The following RSRC1 variants were observed in gnomAD, a reference collection of about 807,000 sequenced individuals.
RSRC1 encodes serine/Arginine-related protein 53.
In RSRC1, 39 loss-of-function variants were observed where a neutral mutation model predicts 49.1. That is an observed-to-expected ratio of 0.79 (90% CI 0.61 to 1.04). The LOEUF (loss-of-function observed/expected upper bound fraction) is 1.04, where lower values mean the gene tolerates loss of function less well. RSRC1 is among the 50% of genes least tolerant of loss of function. The probability of loss-of-function intolerance (pLI) is 0.00; values close to 1 mark genes in which losing one functional copy is unlikely to be tolerated. For missense variants in RSRC1, 388 were observed against 402.4 expected (o/e 0.96, Z 0.31); for synonymous variants, 143 against 130.8 (o/e 1.09, Z -0.63).
chr3:158,287,914 C>T (rs1343559657), intron 4 of RSRC1, among the ~76,000 whole-genome samples: 2 of 152,116 alleles, frequency 1.3e-5, no homozygotes, highest in African/African-American at 4.8e-5. Flanking sequence ...ACTTGTAGCC[C>T]ATATGGCAAC....
At chr3:158,138,068 A>G (rs923430863) in intron 3 of RSRC1, among the ~76,000 whole-genome samples, 6 of 152,180 alleles carry the variant, frequency 3.9e-5, no homozygotes, top group Non-Finnish European at 8.8e-5. Context: ...CCCAGATACA[A>G]TTAGGGACCA....
intron 4 of RSRC1, among the ~76,000 whole-genome samples, chr3:158,236,557 A>T (rs1723258572): frequency 6.6e-6 from 1 of 152,226 alleles, no homozygotes; most frequent in Non-Finnish European, 1.5e-5. Flanking sequence ...ATGGAATCAT[A>T]GAGTATATAT....
At chr3:158,285,655 T>C (rs1352722544) in intron 4 of RSRC1, among the ~76,000 whole-genome samples, 1 of 152,166 alleles carries the variant, frequency 6.6e-6, no homozygotes, top group Non-Finnish European at 1.5e-5. Flanking sequence ...TTTGAAGCAA[T>C]TGTGAATGGG....
At chr3:158,278,075 C>G (rs1352531215) in intron 4 of RSRC1, among the ~76,000 whole-genome samples, 6 of 152,114 alleles carry the variant, frequency 3.9e-5, no homozygotes, top group African/African-American at 1.4e-4. Context: ...CACAACTAGA[C>G]TTTACCACTG....
chr3:158,212,369 T>C (rs778995792), intron 4 of RSRC1, among the ~76,000 whole-genome samples: 7 of 150,664 alleles, frequency 4.6e-5, no homozygotes, highest in African/African-American at 7.4e-5. Context: ...CCAGACTGCA[T>C]TAAAAAAAAA....
chr3:158,482,412 T>C (rs1738645788), intron 7 of RSRC1, among the ~76,000 whole-genome samples: 1 of 152,090 alleles, frequency 6.6e-6, no homozygotes, highest in South Asian at 2.1e-4. Context: ...TAGTTTTCAC[T>C]TTAATTATTA....
intron 4 of RSRC1, among the ~76,000 whole-genome samples, chr3:158,255,542 A>G (rs879606517): frequency 6.6e-6 from 1 of 152,232 alleles, no homozygotes; most frequent in Non-Finnish European, 1.5e-5. Flanking sequence ...TGACTTGGAG[A>G]TGCGGGCTCT....
chr3:158,312,129 G>C (rs1046241228), intron 5 of RSRC1, among the ~76,000 whole-genome samples: 4 of 150,718 alleles, frequency 2.7e-5, no homozygotes, highest in Non-Finnish European at 5.9e-5. Flanking sequence ...GCTGACACGA[G>C]CAGAGAGCAC....
intron 4 of RSRC1, among the ~76,000 whole-genome samples, chr3:158,294,956 G>A (rs1368592048): frequency 6.6e-6 from 1 of 152,118 alleles, no homozygotes; most frequent in Non-Finnish European, 1.5e-5. Context: ...TAAATATATT[G>A]ATTCAGTCAT....
At chr3:158,334,064 T>A (rs1729713957) in intron 5 of RSRC1, among the ~76,000 whole-genome samples, 1 of 152,168 alleles carries the variant, frequency 6.6e-6, no homozygotes, top group East Asian at 1.9e-4. Context: ...TCCTGAAATG[T>A]TAATGTTTAT....
intron 3 of RSRC1, among the ~76,000 whole-genome samples, chr3:158,124,740 G>A (rs1715505377): frequency 6.6e-6 from 1 of 151,116 alleles, no homozygotes; most frequent in South Asian, 2.1e-4. Flanking sequence ...TTCAATGTTT[G>A]TGGCATCAAC....
intron 7 of RSRC1, 88 bp downstream of exon 7, chr3:158,461,091 G>A: frequency 1.1e-6 from 1 of 877,592 alleles, no homozygotes. Flanking sequence ...AATGCCTTAA[G>A]GGTTACTTCA....
intron 7 of RSRC1, among the ~76,000 whole-genome samples, chr3:158,519,478 G>T (rs1218906568): frequency 6.6e-6 from 1 of 151,490 alleles, no homozygotes; most frequent in East Asian, 1.9e-4. Context: ...AACAAGGAGG[G>T]ACTTGCCACC....
At chr3:158,430,140 A>G (rs1296408819) in intron 6 of RSRC1, among the ~76,000 whole-genome samples, 2 of 151,916 alleles carry the variant, frequency 1.3e-5, no homozygotes, top group Non-Finnish European at 2.9e-5. Context: ...CACTTGTGAT[A>G]GTAGTGGTAA....
intron 6 of RSRC1, among the ~76,000 whole-genome samples, chr3:158,407,512 A>T (rs1734214471): frequency 6.6e-6 from 1 of 152,196 alleles, no homozygotes; most frequent in Non-Finnish European, 1.5e-5. Flanking sequence ...ACCACTAAAT[A>T]AAAATTAAGA....
chr3:158,228,865 A>ATGTATATAAACACACATACGTGTATATG lies in RSRC1; in HGVS notation c.494+25634_494+25635insCATACGTGTATATGTGTATATAAACACA, dbSNP rs1722681857. Among the ~76,000 whole-genome samples, 2 of 60,012 alleles carry ATGTATATAAACACACATACGTGTATATG rather than the reference A, an allele frequency of 3.3e-5. 1 individual carries two copies. Among genetic ancestry groups the ATGTATATAAACACACATACGTGTATATG allele is most frequent in the Non-Finnish European group, 6.1e-5 (2 of 32,784 alleles). The allele number at this position is 60,012 out of a possible 152,430, so 39.4% of individuals were successfully genotyped here. A position where few individuals can be genotyped will look rare whatever the true frequency, so the allele number is the denominator to read the frequency against. ...TATATAAACACACATACGTGTATAT[A>ATGTATATAAACACACATACGTGTATATG]TGTATATAAACACATACGTGTAATG... is the stretch of plus-strand genomic sequence containing the variant. On this transcript the variant is annotated intron_variant, in intron 4 of 9. Transcript: ENST00000611884.
chr3:158,217,115 A>G (rs1001827422), intron 4 of RSRC1, among the ~76,000 whole-genome samples: 1 of 151,570 alleles, frequency 6.6e-6, no homozygotes, highest in African/African-American at 2.4e-5. Context: ...CCCCACCAAG[A>G]GGAGAATTAA....
chr3:158,231,549 G>A (rs1722958178), intron 4 of RSRC1, among the ~76,000 whole-genome samples: 1 of 152,098 alleles, frequency 6.6e-6, no homozygotes, highest in Admixed American at 6.6e-5. Context: ...CTGGTCACGT[G>A]TGTAACTCGC....
At chr3:158,201,804 A>C (rs1341190866) in intron 3 of RSRC1, among the ~76,000 whole-genome samples, 1 of 152,170 alleles carries the variant, frequency 6.6e-6, no homozygotes, top group African/African-American at 2.4e-5. Flanking sequence ...CATCTAGTTT[A>C]GTCTCAGGGT....
Sources: allele counts gnomAD v4.1 joint callset (sites outside exome capture counted in the v4.1 genomes callset), GRCh38; gene constraint gnomAD v4.1.1; transcripts MANE v1.5; gene names NCBI Gene and HGNC (gene_info 2026-07-23, HGNC 2026-07-21).